CALN1: variants seen among roughly 807,000 people sequenced by gnomAD.
CALN1 encodes calneuron 1, also known as calcium-binding protein 8.
In CALN1, 17 loss-of-function variants were observed where a neutral mutation model predicts 30.6. The ratio of observed to expected loss-of-function variants is 0.56; its 90% CI spans 0.38 to 0.83. The LOEUF (loss-of-function observed/expected upper bound fraction) is 0.83, where lower values mean the gene tolerates loss of function less well. Among genes scored for constraint, CALN1 ranks in the 40% least tolerant of loss-of-function variants. CALN1 has a pLI of 0.00. For synonymous variants in CALN1, 156 were observed against 131.4 expected (o/e 1.19, Z -1.28); for missense variants, 291 against 354.9 (o/e 0.82, Z 1.45).
intron 3 of CALN1, among the ~76,000 whole-genome samples, chr7:72,193,787 G>T (rs1445109788): frequency 2.0e-5 from 3 of 152,158 alleles, no homozygotes; most frequent in African/African-American, 7.2e-5. Context: ...CCATAAAAAG[G>T]AACAAAATAG....
intron 3 of CALN1, among the ~76,000 whole-genome samples, chr7:72,211,754 G>A (rs1273019558): frequency 6.6e-6 from 1 of 152,074 alleles, no homozygotes; most frequent in Non-Finnish European, 1.5e-5. Context: ...CTAACTTGCC[G>A]GCAGATGAGG....
At chr7:72,076,244 C>A (rs1198163221) in intron 4 of CALN1, among the ~76,000 whole-genome samples, 4 of 151,750 alleles carry the variant, frequency 2.6e-5, no homozygotes, top group Non-Finnish European at 4.4e-5. Context: ...ACACGTTCAC[C>A]TAGGTAACAA....
chr7:72,010,145 A>G (rs1269398819), intron 5 of CALN1, among the ~76,000 whole-genome samples: 1 of 152,190 alleles, frequency 6.6e-6, no homozygotes, highest in African/African-American at 2.4e-5. Flanking sequence ...TTTTCCCAAA[A>G]TTCATATACT....
At chr7:71,994,618 C>G (rs1799150475) in intron 5 of CALN1, among the ~76,000 whole-genome samples, 1 of 151,150 alleles carries the variant, frequency 6.6e-6, no homozygotes, top group South Asian at 2.1e-4. Context: ...TTAAGGATAC[C>G]AACACACCAG....
chr7:71,846,855 T>C (rs1167967355), intron 5 of CALN1, among the ~76,000 whole-genome samples: 2 of 137,492 alleles, frequency 1.5e-5, no homozygotes, highest in Admixed American at 7.2e-5. Context: ...ATTATATATG[T>C]ATATATGTAT....
At chr7:71,862,309 T>G (rs1052332727) in intron 5 of CALN1, among the ~76,000 whole-genome samples, 5 of 152,334 alleles carry the variant, frequency 3.3e-5, no homozygotes, top group African/African-American at 9.6e-5. Flanking sequence ...AAATCTCATC[T>G]TGAATTGTAG....
At chr7:72,411,899 G>A (rs923868872) in intron 1 of CALN1, among the ~76,000 whole-genome samples, 159 bp downstream of exon 1, 12 of 152,180 alleles carry the variant, frequency 7.9e-5, no homozygotes, top group South Asian at 2.1e-4. Context: ...CTTTTAGAGA[G>A]GTATCATAAA....
At chr7:72,454,176 C>T in the CALN1 span, among the ~76,000 whole-genome samples, 1 of 152,168 alleles carries the variant, frequency 6.6e-6, no homozygotes, top group African/African-American at 2.4e-5. Context: ...GGCCTCAATT[C>T]AGCTCTCAAT....
At chr7:72,429,731 A>T (rs1177666503) in intron 1 of CALN1, among the ~76,000 whole-genome samples, 2 of 146,492 alleles carry the variant, frequency 1.4e-5, no homozygotes, top group Non-Finnish European at 3.0e-5. Flanking sequence ...AATTATATAT[A>T]TGTCTGTGTA....
intron 2 of CALN1, among the ~76,000 whole-genome samples, chr7:72,399,646 A>G (rs1806206462): frequency 6.6e-6 from 1 of 152,100 alleles, no homozygotes; most frequent in Non-Finnish European, 1.5e-5. Context: ...AAAAGCTCCA[A>G]CTTAAGCCTT....
At chr7:71,851,796 C>T (rs955739875) in intron 5 of CALN1, among the ~76,000 whole-genome samples, 7 of 151,994 alleles carry the variant, frequency 4.6e-5, no homozygotes, top group African/African-American at 1.7e-4. Flanking sequence ...CTCTCCGCCC[C>T]GATGCAGAAA....
chr7:72,203,580 C>T (rs1791595466), intron 3 of CALN1, among the ~76,000 whole-genome samples: 1 of 152,166 alleles, frequency 6.6e-6, no homozygotes, highest in Non-Finnish European at 1.5e-5. Context: ...CCCTGGATCA[C>T]ATCCTGACTA....
intron 1 of CALN1, among the ~76,000 whole-genome samples, chr7:72,444,810 C>T (rs181399800): frequency 1.8e-4 from 28 of 152,250 alleles, no homozygotes; most frequent in Admixed American, 3.9e-4. Flanking sequence ...GAGAAACTGA[C>T]GCCCGCCCAA....
At chr7:72,499,774 T>TTTCCTTCCTTCCTTCCTTCC in the CALN1 span, among the ~76,000 whole-genome samples, 6 of 118,670 alleles carry the variant, frequency 5.1e-5, no homozygotes, top group Admixed American at 1.8e-4. Flanking sequence ...ACTTTCTTTC[T>TTTCCTTCCTTCCTTCCTTCC]TTCCTTCCTT....
intron 4 of CALN1, among the ~76,000 whole-genome samples, chr7:72,072,655 TTTG>T (rs1428325140): frequency 6.6e-6 from 1 of 152,194 alleles, no homozygotes; most frequent in Non-Finnish European, 1.5e-5. Context: ...AACTCTACAT[TTTG>T]TTTTCTACAC....
chr7:72,234,328 G>A (rs1188412702), intron 3 of CALN1, among the ~76,000 whole-genome samples: 6 of 152,196 alleles, frequency 3.9e-5, no homozygotes, highest in African/African-American at 1.2e-4. Context: ...AGCCAGCAAA[G>A]TACCTCCCAC....
chr7:71,852,495 T>TAA (rs1790707884), intron 5 of CALN1, among the ~76,000 whole-genome samples: 1 of 144,686 alleles, frequency 6.9e-6, no homozygotes, highest in Non-Finnish European at 1.5e-5. Context: ...AAAAAAAATC[T>TAA]TAGCTGAAGT....
rs188814908 is a variant in CALN1, at chr7:71,819,041, G to A, written c.502-8549C>T. ...TATTTTTAAAAAATAGTTTTGTAAAGACAGGGTCTTGCTATGTCGCCCAGG... is the reference window on the plus strand; with the variant it reads ...TATTTTTAAAAAATAGTTTTGTAAAAACAGGGTCTTGCTATGTCGCCCAGG... On this transcript the variant is annotated intron_variant, in intron 5 of 6. Transcript: ENST00000395275. Among the ~76,000 whole-genome samples the A allele has an allele frequency of 2.5e-3, 376 of 152,160 alleles. 3 individuals carry two copies. The highest frequency in any genetic ancestry group is 6.7e-3 in the Admixed American group (102 of 15,280).
intron 4 of CALN1, among the ~76,000 whole-genome samples, chr7:72,074,756 G>C (rs1030479363): frequency 6.6e-6 from 1 of 152,064 alleles, no homozygotes; most frequent in African/African-American, 2.4e-5. Context: ...TCAGTGCCCT[G>C]ACAACCTACT....
Sources: allele counts gnomAD v4.1 joint callset (sites outside exome capture counted in the v4.1 genomes callset), GRCh38; gene constraint gnomAD v4.1.1; transcripts MANE v1.5; gene names NCBI Gene and HGNC (gene_info 2026-07-23, HGNC 2026-07-21).